Variants in HACD2 observed in about 807,000 individuals in gnomAD.
HACD2 encodes the protein 3-hydroxyacyl-CoA dehydratase 2.
HACD2 carries 15 observed loss-of-function variants against 31.0 expected under a neutral mutation model. That is an observed-to-expected ratio of 0.48 (90% CI 0.32 to 0.75). The LOEUF (loss-of-function observed/expected upper bound fraction) is 0.75, where lower values mean the gene tolerates loss of function less well. Ranked by LOEUF, HACD2 falls within the 30% of genes least tolerant of loss-of-function variation. HACD2 has a pLI of 0.03. For missense variants in HACD2, 283 were observed against 313.0 expected, an observed-to-expected ratio of 0.90 and a Z score of 0.72; for synonymous variants, 115 against 122.2, an observed-to-expected ratio of 0.94 and a Z score of 0.39.
At chr3:123,537,533 C>T (rs191650052) in intron 3 of HACD2, among the ~76,000 whole-genome samples, 17 of 151,628 alleles carry the variant, frequency 1.1e-4, no homozygotes, top group African/African-American at 3.6e-4. Flanking sequence ...TAACTGCACT[C>T]CAGCCTGGAA....
intron 3 of HACD2, among the ~76,000 whole-genome samples, chr3:123,533,699 G>A (rs575745628): frequency 5.3e-5 from 8 of 152,232 alleles, no homozygotes; most frequent in East Asian, 1.9e-4. Context: ...TTTGTGGAGC[G>A]CCTACTCTGT....
intron 3 of HACD2, among the ~76,000 whole-genome samples, chr3:123,563,828 G>A (rs1179859276): frequency 6.6e-6 from 1 of 152,096 alleles, no homozygotes; most frequent in Non-Finnish European, 1.5e-5. Flanking sequence ...GCTGGAAGAT[G>A]GGAAGCAAAT....
chr3:123,509,037 G>A (rs1335688082), intron 4 of HACD2, among the ~76,000 whole-genome samples: 1 of 152,070 alleles, frequency 6.6e-6, no homozygotes, highest in African/African-American at 2.4e-5. Flanking sequence ...ATACCATCGC[G>A]CTGGGGGTTA....
rs2056974201 is a variant in HACD2, at chr3:123,582,299, T to G, written c.186A>C (p.Arg62=). The G allele has an allele frequency of 6.2e-7, 1 of 1,607,036 alleles. No homozygotes were observed. ...GGTAGCTACCCTTAGCCAGGTATGC[T>G]CGGACCAGACCAACCGCTATAACCA... is the stretch of plus-strand genomic sequence containing the variant. ...GWLVIAVGLV[R]AYLAKGSYHS... is the part of the protein sequence containing the mutation. The change falls in exon 2 of 7, where the codon CGA becomes CGC. Residue 62 remains arginine, a synonymous_variant. Coordinates refer to ENST00000383657, the MANE Select transcript of HACD2 (RefSeq NM_198402.5).
intron 3 of HACD2, among the ~76,000 whole-genome samples, chr3:123,545,522 TAA>T (rs2107725485): frequency 1.0e-5 from 1 of 96,202 alleles, no homozygotes; most frequent in South Asian, 3.2e-4. Context: ...AATAAATAAA[TAA>T]ATAGAAATAA....
At chr3:123,581,006 G>T (rs9876069) in intron 2 of HACD2, among the ~76,000 whole-genome samples, 1 of 151,988 alleles carries the variant, frequency 6.6e-6, no homozygotes, top group East Asian at 2.0e-4. Context: ...ATTTTTAGTA[G>T]AGACGGGGTT....
In HACD2 at chr3:123,528,382, T is replaced by C. The variant is rs757004390; in HGVS notation, c.381+4A>G. On this transcript the variant is annotated splice_donor_region_variant and intron_variant, in intron 4 of 6. Coordinates refer to ENST00000383657, the MANE Select transcript of HACD2 (RefSeq NM_198402.5). The stretch of plus-strand genomic sequence containing the variant: ...ACATTATTTTGGTCTATATAAACAC[T>C]TACCTCTTTGACGCTATGTGTTACT... 6.3e-7 allele frequency: 1 copy of C among 1,577,984 alleles called. No individual in the cohort carries two copies. The highest frequency in any genetic ancestry group is 8.7e-7 in the Non-Finnish European group (1 of 1,147,224).
chr3:123,575,319 A>G (rs1467068105), intron 2 of HACD2, among the ~76,000 whole-genome samples: 2 of 152,220 alleles, frequency 1.3e-5, no homozygotes, highest in South Asian at 2.1e-4. Flanking sequence ...GTCTTGCTAT[A>G]TTGCCCAAGC....
chr3:123,513,381 G>A lies in HACD2; in HGVS notation c.382-10700C>T, dbSNP rs972667321. ...ACAAAATACTAATTAATAAAAAGGA[G>A]GTGAACTGGAGGTGGAGAAACCTGG... On this transcript the variant is annotated intron_variant, in intron 4 of 6. Coordinates refer to ENST00000383657, the MANE Select transcript of HACD2 (RefSeq NM_198402.5). 4.6e-5 allele frequency among the ~76,000 whole-genome samples: 7 copies of A among 152,150 alleles called. No homozygotes were observed. In the South Asian group the frequency reaches 1.2e-3, roughly 27 times the overall value.
chr3:123,582,114 A>G, intron 2 of HACD2, 98 bp downstream of exon 2: 1 of 736,082 alleles, frequency 1.4e-6, no homozygotes, highest in Non-Finnish European at 2.0e-6. Flanking sequence ...AAAATTTAAC[A>G]TGAATCCAAA....
At chr3:123,576,783 TA>T (rs1032569390) in intron 2 of HACD2, among the ~76,000 whole-genome samples, 5 of 152,188 alleles carry the variant, frequency 3.3e-5, no homozygotes, top group African/African-American at 1.2e-4. Context: ...GTTTGAGCCA[TA>T]AAGAAAGAAA....
chr3:123,561,979 T>G (rs2056734712), intron 3 of HACD2, among the ~76,000 whole-genome samples: 1 of 152,114 alleles, frequency 6.6e-6, no homozygotes, highest in African/African-American at 2.4e-5. Context: ...GTCCAGCTAA[T>G]TTTTGTACTT....
At chr3:123,521,895 T>C (rs911681975) in intron 4 of HACD2, among the ~76,000 whole-genome samples, 3 of 152,004 alleles carry the variant, frequency 2.0e-5, no homozygotes, top group African/African-American at 7.2e-5. Context: ...TGTAACTAAC[T>C]AAATCATCAT....
rs1028373358 is a variant in HACD2 at position 123,491,588 on chromosome 3, T to C, written c.*3300A>G. The C allele has an allele frequency of 6.5e-6, 1 of 152,672 alleles. No individual in the cohort carries two copies. The highest frequency in any genetic ancestry group is 2.4e-5 in the African/African-American group (1 of 41,464). 9.5% of individuals were successfully genotyped at this position (152,672 alleles called of 1,614,324 possible). The stretch of plus-strand genomic sequence containing the variant: ...CAGGCAGAGCACACACCAGTTTATT[T>C]TGAAATGCAACACAGATCAGTATTT... On this transcript the variant is annotated 3_prime_UTR_variant, in exon 7 of 7. Coordinates refer to ENST00000383657, the MANE Select transcript of HACD2 (RefSeq NM_198402.5).
At chr3:123,579,306 T>C (rs2056941136) in intron 2 of HACD2, among the ~76,000 whole-genome samples, 2 of 151,996 alleles carry the variant, frequency 1.3e-5, no homozygotes, top group Admixed American at 1.3e-4. Flanking sequence ...CAAGTTTTTT[T>C]TTTTTTGAGA....
intron 3 of HACD2, among the ~76,000 whole-genome samples, chr3:123,542,408 A>G (rs2056504564): frequency 6.6e-6 from 1 of 152,222 alleles, no homozygotes; most frequent in Non-Finnish European, 1.5e-5. Context: ...TGCTGGTACT[A>G]TGTTGAAACA....
intron 4 of HACD2, among the ~76,000 whole-genome samples, chr3:123,511,432 T>C (rs377012393): frequency 3.9e-5 from 6 of 152,248 alleles, no homozygotes; most frequent in Admixed American, 3.3e-4. Flanking sequence ...AGGAACCCTA[T>C]ACAAGAAGAG....
In HACD2 at chr3:123,525,299, T is replaced by G. The variant is rs575081285; in HGVS notation, c.381+3087A>C. On this transcript the variant is annotated intron_variant, in intron 4 of 6. Coordinates refer to ENST00000383657, the MANE Select transcript of HACD2 (RefSeq NM_198402.5). Reference sequence around the variant, plus strand: ...GTGAGCATACGGATCACAATTCTTTTTTTCTTTTCTTGCCTCTGTGTATTG... The same window carrying G: ...GTGAGCATACGGATCACAATTCTTTGTTTCTTTTCTTGCCTCTGTGTATTG... Among the ~76,000 whole-genome samples the G allele has an allele frequency of 2.0e-5, 3 of 152,334 alleles. No homozygotes were observed. In the East Asian group the frequency reaches 5.8e-4, roughly 29 times the overall value.
chr3:123,578,340 G>GGCTCT (rs1372915644), intron 2 of HACD2, among the ~76,000 whole-genome samples: 1 of 151,980 alleles, frequency 6.6e-6, no homozygotes, highest in African/African-American at 2.4e-5. Flanking sequence ...GCACGATCAT[G>GGCTCT]GCTCACTGTA....
Sources: allele counts gnomAD v4.1 joint callset (sites outside exome capture counted in the v4.1 genomes callset), GRCh38; gene constraint gnomAD v4.1.1; transcripts MANE v1.5; gene names NCBI Gene and HGNC (gene_info 2026-07-23, HGNC 2026-07-21).